HPSE2: variants seen among roughly 807,000 people sequenced by gnomAD.
The protein encoded by HPSE2 is inactive heparanase-2.
Under a neutral mutation model 60.5 loss-of-function variants are expected in HPSE2, and 38 were observed. That is an observed-to-expected ratio of 0.63 (90% CI 0.48 to 0.82). The LOEUF (loss-of-function observed/expected upper bound fraction) is 0.82. HPSE2 is among the 40% of genes least tolerant of loss of function. The pLI is 0.00. For missense variants in HPSE2, 713 were observed against 740.4 expected, an observed-to-expected ratio of 0.96 and a Z score of 0.43; for synonymous variants, 295 against 293.2, an observed-to-expected ratio of 1.01 and a Z score of -0.06.
At chr10:98,792,828 A>C (rs1950687583) in intron 3 of HPSE2, among the ~76,000 whole-genome samples, 2 of 152,160 alleles carry the variant, frequency 1.3e-5, no homozygotes, top group Non-Finnish European at 2.9e-5. Context: ...GACATTTAAT[A>C]TGGGGTAAAT....
intron 3 of HPSE2, among the ~76,000 whole-genome samples, chr10:98,914,566 A>G (rs1325655354): frequency 6.7e-6 from 1 of 148,992 alleles, no homozygotes; most frequent in Non-Finnish European, 1.5e-5. Flanking sequence ...ATCCAGGGCA[A>G]CTGTACTTGG....
At chr10:98,722,152 T>G (rs1948943889) in intron 4 of HPSE2, among the ~76,000 whole-genome samples, 1 of 150,008 alleles carries the variant, frequency 6.7e-6, no homozygotes, top group African/African-American at 2.5e-5. Flanking sequence ...TACCAGAATC[T>G]CAGAATGTGA....
chr10:98,987,293 C>A (rs943271874), intron 3 of HPSE2, among the ~76,000 whole-genome samples: 1 of 152,112 alleles, frequency 6.6e-6, no homozygotes, highest in Non-Finnish European at 1.5e-5. Context: ...AAAAGCTTAT[C>A]CACCATGATC....
intron 3 of HPSE2, among the ~76,000 whole-genome samples, chr10:98,895,476 G>A (rs2134955257): frequency 6.6e-6 from 1 of 152,212 alleles, no homozygotes; most frequent in Middle Eastern, 3.4e-3. Flanking sequence ...AGGTCTCTGT[G>A]TAAAGGTAAT....
intron 10 of HPSE2, among the ~76,000 whole-genome samples, chr10:98,484,718 T>C (rs917070801): frequency 6.6e-6 from 1 of 152,260 alleles, no homozygotes; most frequent in Non-Finnish European, 1.5e-5. Flanking sequence ...TTTTGCTGTT[T>C]TACCTACCTC....
chr10:99,031,007 C>A (rs1314085028), intron 3 of HPSE2, among the ~76,000 whole-genome samples: 1 of 151,850 alleles, frequency 6.6e-6, no homozygotes, highest in Non-Finnish European at 1.5e-5. Context: ...GTGGTGAGGG[C>A]AGGAAGAAGG....
intron 3 of HPSE2, among the ~76,000 whole-genome samples, chr10:98,963,016 T>C (rs1179038691): frequency 6.6e-6 from 1 of 152,206 alleles, no homozygotes; most frequent in Non-Finnish European, 1.5e-5. Flanking sequence ...GTTTGTTGAA[T>C]TGAAAACTTG....
chr10:98,695,452 C>G (rs1948186952), intron 5 of HPSE2, among the ~76,000 whole-genome samples: 1 of 152,180 alleles, frequency 6.6e-6, no homozygotes, highest in Admixed American at 6.5e-5. Flanking sequence ...GCCAAAATGT[C>G]AACGTGGGCT....
chr10:99,296,362 C>T, the HPSE2 span, among the ~76,000 whole-genome samples: 144 of 152,330 alleles, frequency 9.5e-4, no homozygotes, highest in Non-Finnish European at 1.1e-3. Context: ...GATGCCCCCC[C>T]AACATGCCGT....
chr10:98,603,505 G>C (rs2133948415), intron 9 of HPSE2, among the ~76,000 whole-genome samples: 1 of 150,314 alleles, frequency 6.7e-6, no homozygotes, highest in Admixed American at 6.6e-5. Flanking sequence ...TCTTGGCTTA[G>C]TGCAACCTCC....
intron 3 of HPSE2, among the ~76,000 whole-genome samples, chr10:99,063,233 T>A (rs1484076445): frequency 4.6e-5 from 7 of 151,766 alleles, no homozygotes; most frequent in Non-Finnish European, 4.4e-5. Context: ...AACATAAGAC[T>A]GAAGAAAATA....
intron 3 of HPSE2, among the ~76,000 whole-genome samples, chr10:98,853,243 G>C (rs140072663): frequency 1.3e-5 from 2 of 152,246 alleles, no homozygotes; most frequent in East Asian, 3.9e-4. Flanking sequence ...GCATTTGTGA[G>C]GGGCTTTAAA....
intron 7 of HPSE2, among the ~76,000 whole-genome samples, chr10:98,629,241 A>C (rs936272654): frequency 2.0e-5 from 3 of 152,238 alleles, no homozygotes; most frequent in Non-Finnish European, 4.4e-5. Context: ...GGAGCCCATT[A>C]ATTCTAGCAT....
intron 3 of HPSE2, among the ~76,000 whole-genome samples, chr10:98,960,737 TTTA>T (rs1463283195): frequency 0.015 from 600 of 40,284 alleles, 6 homozygotes; most frequent in African/African-American, 0.064. Context: ...TTTTTTTTAT[TTTA>T]TTTTTTTTTT....
chr10:99,020,136 A>G (rs1957230158), intron 3 of HPSE2, among the ~76,000 whole-genome samples: 1 of 152,096 alleles, frequency 6.6e-6, no homozygotes. Flanking sequence ...TTCAGTCATA[A>G]ATTTTTCATA....
At chr10:99,076,896 T>C (rs1018790640) in intron 3 of HPSE2, among the ~76,000 whole-genome samples, 15 of 152,228 alleles carry the variant, frequency 9.9e-5, no homozygotes, top group Admixed American at 6.5e-5. Context: ...AAGGCAGGTC[T>C]GGGTCGCAAA....
chr10:98,838,600 CT>C (rs747437378), intron 3 of HPSE2, among the ~76,000 whole-genome samples: 426 of 141,442 alleles, frequency 3.0e-3, no homozygotes, highest in Middle Eastern at 3.7e-3. Flanking sequence ...AATTTTTTAA[CT>C]TTTTTTTTTT....
rs1424104569 is a variant in HPSE2, at chr10:99,232,236, C to T, written c.448+112G>A. 39 of 1,279,874 alleles carry T rather than the reference C, an allele frequency of 3.0e-5. No individual in the cohort carries two copies. The East Asian group carries it at 7.1e-4, about 23-fold the overall frequency. The allele number at this position is 1,279,874 out of a possible 1,614,324, so 79.3% of individuals were successfully genotyped here. A position where few individuals can be genotyped will look rare whatever the true frequency, so the allele number is the denominator to read the frequency against. ...GCATACACACACACACACACACACA[C>T]ACACACACACACACACACACGAACA... is the stretch of plus-strand genomic sequence containing the variant. On this transcript the variant is annotated intron_variant, in intron 2 of 11. Coordinates refer to ENST00000370552, the MANE Select transcript of HPSE2 (RefSeq NM_021828.5).
intron 2 of HPSE2, among the ~76,000 whole-genome samples, chr10:99,196,535 C>A (rs771257695): frequency 6.6e-6 from 1 of 151,744 alleles, no homozygotes; most frequent in Non-Finnish European, 1.5e-5. Flanking sequence ...ATAATCTGAT[C>A]AAAAAAATGG....
Sources: gnomAD v4.1 joint callset for allele counts (sites outside exome capture counted in the v4.1 genomes callset) on GRCh38, gnomAD v4.1.1 for gene constraint, MANE v1.5 for transcripts, NCBI Gene and HGNC (gene_info 2026-07-23, HGNC 2026-07-21) for gene names.